CTNNA3: variants seen among roughly 807,000 people sequenced by gnomAD.
CTNNA3 encodes catenin alpha-3.
Under a neutral mutation model 95.7 loss-of-function variants are expected in CTNNA3, and 76 were observed. The ratio of observed to expected loss-of-function variants is 0.79; its 90% CI spans 0.66 to 0.96. The LOEUF is 0.96. Among genes scored for constraint, CTNNA3 ranks in the 40% least tolerant of loss-of-function variants. The pLI, the probability that CTNNA3 is intolerant of heterozygous loss-of-function variation, is 0.00. For synonymous variants in CTNNA3, 431 were observed against 374.4 expected, an observed-to-expected ratio of 1.15 and a Z score of -1.74; for missense variants, 1,191 against 1,089.8, an observed-to-expected ratio of 1.09 and a Z score of -1.31.
intron 15 of CTNNA3, among the ~76,000 whole-genome samples, chr10:66,035,862 T>C (rs2079552919): frequency 6.6e-6 from 1 of 152,026 alleles, no homozygotes; most frequent in Admixed American, 6.6e-5. Context: ...TTTTTAAGGA[T>C]TACTTAAAAA....
intron 7 of CTNNA3, chr10:67,097,522 TA>T: frequency 6.9e-7 from 1 of 1,451,208 alleles, no homozygotes; most frequent in Non-Finnish European, 9.6e-7. Context: ...CTTCAGTCTC[TA>T]AATCTTTCCC....
At chr10:66,147,101 C>T (rs962061952) in intron 13 of CTNNA3, among the ~76,000 whole-genome samples, 2 of 151,960 alleles carry the variant, frequency 1.3e-5, no homozygotes, top group Non-Finnish European at 2.9e-5. Context: ...TTATATCTCT[C>T]TTGTTAAATC....
intron 13 of CTNNA3, among the ~76,000 whole-genome samples, chr10:66,226,673 T>C: frequency 6.6e-6 from 1 of 151,950 alleles, no homozygotes; most frequent in East Asian, 1.9e-4. Context: ...ATATTAATTC[T>C]TCCAGTCCAT....
At chr10:67,559,532 G>A (rs888653682) in intron 3 of CTNNA3, among the ~76,000 whole-genome samples, 1 of 152,082 alleles carries the variant, frequency 6.6e-6, no homozygotes, top group East Asian at 1.9e-4. Context: ...AAACCACAAA[G>A]ATGGGGAAAA....
intron 3 of CTNNA3, among the ~76,000 whole-genome samples, chr10:67,588,805 A>G (rs1452244937): frequency 6.6e-6 from 1 of 152,080 alleles, no homozygotes; most frequent in East Asian, 1.9e-4. Context: ...TTAGAAATCT[A>G]ACACATTTTT....
At chr10:66,974,488 A>G (rs1849911904) in intron 7 of CTNNA3, among the ~76,000 whole-genome samples, 1 of 152,194 alleles carries the variant, frequency 6.6e-6, no homozygotes, top group South Asian at 2.1e-4. Context: ...GTCATTCGCC[A>G]GCATATGTTT....
intron 12 of CTNNA3, among the ~76,000 whole-genome samples, chr10:66,362,528 T>C (rs1175904147): frequency 2.0e-5 from 3 of 151,828 alleles, no homozygotes; most frequent in Non-Finnish European, 2.9e-5. Flanking sequence ...CTGGCCAACA[T>C]GCTGAAACCC....
In CTNNA3 at chr10:66,080,030, A is replaced by G. The variant is rs543731220; in HGVS notation, c.1978-10541T>C. On this transcript the variant is annotated intron_variant, in intron 14 of 17. Coordinates refer to ENST00000433211, the MANE Select transcript of CTNNA3 (RefSeq NM_013266.4). ...TACTGGGTAATCATTCATGATTCGGATCGCTTGAAGTCAGTTTAGTTTATG... is the reference window on the plus strand; with the variant it reads ...TACTGGGTAATCATTCATGATTCGGGTCGCTTGAAGTCAGTTTAGTTTATG... Among the ~76,000 whole-genome samples the G allele has an allele frequency of 1.5e-3, 231 of 152,218 alleles. 2 individuals carry two copies. Among genetic ancestry groups the G allele is most frequent in the Middle Eastern group, 3.4e-3 (1 of 294 alleles).
chr10:66,336,465 G>T (rs2092397703), intron 12 of CTNNA3, among the ~76,000 whole-genome samples: 1 of 151,994 alleles, frequency 6.6e-6, no homozygotes, highest in African/African-American at 2.4e-5. Context: ...TGGAATCTTT[G>T]CTTATGTAAA....
intron 7 of CTNNA3, among the ~76,000 whole-genome samples, chr10:67,139,610 A>C (rs1237185741): frequency 4.1e-5 from 6 of 147,260 alleles, no homozygotes; most frequent in African/African-American, 1.3e-4. Context: ...ACAGGGTTTC[A>C]CCCTGTTAAC....
intron 12 of CTNNA3, among the ~76,000 whole-genome samples, chr10:66,375,049 A>C (rs1186632128): frequency 6.6e-6 from 1 of 152,104 alleles, no homozygotes; most frequent in Non-Finnish European, 1.5e-5. Flanking sequence ...ATTATTGCCA[A>C]AGATTTCTAG....
At position 66,902,216 on chromosome 10, in the gene CTNNA3, G is replaced by T. The variant is rs550308850; in HGVS notation, c.1048-126692C>A. Among the ~76,000 whole-genome samples, 14 of 152,236 alleles carry T rather than the reference G, an allele frequency of 9.2e-5. No homozygotes were observed. The South Asian group carries it at 1.2e-3, about 14-fold the overall frequency. On this transcript the variant is annotated intron_variant, in intron 7 of 17. Coordinates refer to ENST00000433211, the MANE Select transcript of CTNNA3 (RefSeq NM_013266.4). ...ACAGTGCAATCAAATTAGAACTCAGGGTTAAGAAACTCACTCAAAACCACA... is the reference window on the plus strand; with the variant it reads ...ACAGTGCAATCAAATTAGAACTCAGTGTTAAGAAACTCACTCAAAACCACA...
chr10:67,168,158 C>T (rs1861863078), intron 7 of CTNNA3, among the ~76,000 whole-genome samples: 1 of 151,972 alleles, frequency 6.6e-6, no homozygotes, highest in Non-Finnish European at 1.5e-5. Flanking sequence ...GGTTATCCAA[C>T]ATTAAAAACA....
chr10:66,377,092 A>G lies in CTNNA3; in HGVS notation c.1732+2060T>C, dbSNP rs149236657. Among the ~76,000 whole-genome samples, 849 of 152,236 alleles carry G rather than the reference A, an allele frequency of 5.6e-3. 9 individuals are homozygous for G. The highest frequency in any genetic ancestry group is 0.014 in the African/African-American group (599 of 41,562). On this transcript the variant is annotated intron_variant, in intron 12 of 17. Transcript: ENST00000433211. ...AAGGCATGCTTTTCATAAATTTCAA[A>G]GAAGGCTATTTGGAGAATAGTTTGG...
intron 15 of CTNNA3, among the ~76,000 whole-genome samples, chr10:65,992,319 C>A (rs1461205643): frequency 6.6e-6 from 1 of 151,940 alleles, no homozygotes; most frequent in Admixed American, 6.6e-5. Context: ...TGAGGAAAAT[C>A]AATGTTAGTT....
intron 11 of CTNNA3, among the ~76,000 whole-genome samples, chr10:66,502,911 T>C (rs1207701768): frequency 6.6e-6 from 1 of 152,112 alleles, no homozygotes; most frequent in Non-Finnish European, 1.5e-5. Flanking sequence ...CATACTCTTT[T>C]AAGTATATCA....
chr10:67,159,453 T>C (rs769948949), intron 7 of CTNNA3, among the ~76,000 whole-genome samples: 4 of 152,158 alleles, frequency 2.6e-5, no homozygotes, highest in Non-Finnish European at 5.9e-5. Flanking sequence ...TAAGACAGTA[T>C]GGTACTAACA....
chr10:65,960,456 C>T (rs1036734335), intron 17 of CTNNA3, among the ~76,000 whole-genome samples: 15 of 151,854 alleles, frequency 9.9e-5, no homozygotes, highest in South Asian at 4.2e-4. Flanking sequence ...ACCCAGGAGG[C>T]GGAGCTTGCA....
intron 6 of CTNNA3, among the ~76,000 whole-genome samples, chr10:67,213,384 C>G (rs1864221010): frequency 6.6e-6 from 1 of 151,572 alleles, no homozygotes; most frequent in Non-Finnish European, 1.5e-5. Context: ...TTTTATTGGT[C>G]TTTACAAATA....
Sources: allele counts gnomAD v4.1 joint callset (sites outside exome capture counted in the v4.1 genomes callset), GRCh38; gene constraint gnomAD v4.1.1; transcripts MANE v1.5; gene names NCBI Gene and HGNC (gene_info 2026-07-23, HGNC 2026-07-21).